The following FTCDNL1 variants were observed in gnomAD, a reference collection of about 807,000 sequenced individuals.
FTCDNL1 encodes the protein formiminotransferase cyclodeaminase N-terminal like, also known as formiminotransferase N-terminal subdomain-containing protein.
Under a neutral mutation model 5.9 loss-of-function variants are expected in FTCDNL1, and 11 were observed. The ratio of observed to expected loss-of-function variants is 1.87; its 90% confidence interval spans 1.18 to 3.10. FTCDNL1 has a LOEUF of 3.10. FTCDNL1 is among the 30% of genes most tolerant of loss of function. FTCDNL1 has a pLI of 0.00. For synonymous variants in FTCDNL1, 58 were observed against 24.8 expected (o/e 2.34, Z -3.99); for missense variants, 115 against 65.5 (o/e 1.76, Z -2.61).
At chr2:199,733,052 C>T in the FTCDNL1 span, among the ~76,000 whole-genome samples, 1 of 152,152 alleles carries the variant, frequency 6.6e-6, no homozygotes, top group Admixed American at 6.5e-5. Context: ...TCTGTGTCAG[C>T]TGACAGGTAC....
At chr2:199,718,736 T>C in the FTCDNL1 span, among the ~76,000 whole-genome samples, 3 of 152,194 alleles carry the variant, frequency 2.0e-5, no homozygotes, top group African/African-American at 7.2e-5. Context: ...CTTTTAACAA[T>C]AGCCATCCAG....
chr2:199,690,723 T>G, the FTCDNL1 span, among the ~76,000 whole-genome samples: 6 of 152,114 alleles, frequency 3.9e-5, no homozygotes, highest in Non-Finnish European at 7.4e-5. Context: ...GGACCAGGTC[T>G]TGATCTCTCC....
chr2:199,816,132 G>A (rs1701339846), intron 4 of FTCDNL1, among the ~76,000 whole-genome samples: 1 of 152,268 alleles, frequency 6.6e-6, no homozygotes, highest in South Asian at 2.1e-4. Flanking sequence ...CTGGTGTGAG[G>A]AATATTAGAA....
downstream of FTCDNL1, among the ~76,000 whole-genome samples, chr2:199,756,961 A>C (rs1574424812): frequency 6.6e-6 from 1 of 152,190 alleles, no homozygotes; most frequent in Non-Finnish European, 1.5e-5. Flanking sequence ...TTCTGCCCAC[A>C]TTATATTGGC....
chr2:199,848,979 G>A lies in FTCDNL1; in HGVS notation c.-7-10C>T, dbSNP rs1284246194. ...AGAAGACATGATTTTTCTGGAATAG[G>A]AGAAAAATTTTTATGTGTCTCTAGA... is the stretch of plus-strand genomic sequence containing the variant. On this transcript the variant is annotated splice_polypyrimidine_tract_variant and intron_variant, in intron 1 of 4. Transcript: ENST00000420128. 3 of 697,784 alleles carry A rather than the reference G, an allele frequency of 4.3e-6. No homozygotes were observed. The highest frequency in any genetic ancestry group is 7.8e-6 in the Non-Finnish European group (3 of 383,698). The allele number at this position is 697,784 out of a possible 1,614,324, so 43.2% of individuals were successfully genotyped here.
chr2:199,701,225 A>G, the FTCDNL1 span, among the ~76,000 whole-genome samples: 5 of 151,126 alleles, frequency 3.3e-5, no homozygotes, highest in Non-Finnish European at 7.4e-5. Context: ...GTCGCTAATC[A>G]TTAAAGAAAT....
the FTCDNL1 span, among the ~76,000 whole-genome samples, chr2:199,701,299 T>TAAAAAAAAAAAAAAAA: frequency 1.4e-5 from 1 of 72,386 alleles, no homozygotes; most frequent in African/African-American, 4.5e-5. Flanking sequence ...CTTGAAAGTT[T>TAAAAAAAAAAAAAAAA]AAAAAAAAAA....
At chr2:199,780,218 G>A (rs1042327697) in intron 3 of FTCDNL1, among the ~76,000 whole-genome samples, 3 of 152,154 alleles carry the variant, frequency 2.0e-5, no homozygotes, top group Non-Finnish European at 2.9e-5. Context: ...GGCCCACCTC[G>A]CTAGGATAGG....
the FTCDNL1 span, among the ~76,000 whole-genome samples, chr2:199,718,194 A>G: frequency 6.6e-6 from 1 of 151,826 alleles, no homozygotes; most frequent in South Asian, 2.1e-4. Context: ...CAAACAGGCA[A>G]TTTTTCAACC....
the FTCDNL1 span, among the ~76,000 whole-genome samples, chr2:199,697,334 T>C: frequency 1.1e-3 from 171 of 152,120 alleles, 1 homozygote; most frequent in Middle Eastern, 3.4e-3. Flanking sequence ...GTGATCAGAT[T>C]TTCCAAGGTC....
chr2:199,726,790 A>C, the FTCDNL1 span, among the ~76,000 whole-genome samples: 4 of 152,080 alleles, frequency 2.6e-5, no homozygotes, highest in Non-Finnish European at 5.9e-5. Context: ...TTCCTGTGGG[A>C]TCTCTGTCCC....
chr2:199,737,808 C>T, the FTCDNL1 span, among the ~76,000 whole-genome samples: 6 of 152,168 alleles, frequency 3.9e-5, no homozygotes, highest in Admixed American at 6.5e-5. Context: ...GTGGTCCCTG[C>T]GTGTCACGTA....
At chr2:199,764,175 C>T (rs147970150) in intron 3 of FTCDNL1, among the ~76,000 whole-genome samples, 4 of 152,274 alleles carry the variant, frequency 2.6e-5, no homozygotes, top group East Asian at 3.9e-4. Context: ...TGTCATGGCA[C>T]GTACTGTGCA....
At chr2:199,822,928 G>A (rs1265680649) in intron 3 of FTCDNL1, among the ~76,000 whole-genome samples, 1 of 152,166 alleles carries the variant, frequency 6.6e-6, no homozygotes, top group African/African-American at 2.4e-5. Flanking sequence ...TATGCTCACT[G>A]CAACATCTGC....
At chr2:199,665,280 T>A in the FTCDNL1 span, among the ~76,000 whole-genome samples, 1 of 152,096 alleles carries the variant, frequency 6.6e-6, no homozygotes, top group African/African-American at 2.4e-5. Context: ...CACCCCAGTT[T>A]CTTCAGGTAG....
chr2:199,844,422 G>A (rs1306215143), intron 3 of FTCDNL1: 1 of 646,700 alleles, frequency 1.5e-6, no homozygotes, highest in South Asian at 1.7e-5. Flanking sequence ...ACACCAGAGA[G>A]AGGGTAAATC....
At chr2:199,832,143 T>C (rs548306513) in intron 3 of FTCDNL1, among the ~76,000 whole-genome samples, 1 of 152,334 alleles carries the variant, frequency 6.6e-6, no homozygotes, top group South Asian at 2.1e-4. Flanking sequence ...GAGATATGTA[T>C]ACAGAAGCTT....
chr2:199,809,459 T>C lies in FTCDNL1; in HGVS notation c.*3246A>G, dbSNP rs1269283874. Among the ~76,000 whole-genome samples the C allele has an allele frequency of 2.0e-5, 3 of 152,170 alleles. No individual in the cohort carries two copies. The highest frequency in any genetic ancestry group is 4.4e-5 in the Non-Finnish European group (3 of 68,046). ...GCTCTTATTAAAGAAGATCACAGTCTTTCTTGCTAAACTCAATTTGTGGAA... is the reference window on the plus strand; with the variant it reads ...GCTCTTATTAAAGAAGATCACAGTCCTTCTTGCTAAACTCAATTTGTGGAA... On this transcript the variant is annotated 3_prime_UTR_variant, in exon 5 of 5. Transcript: ENST00000420128.
chr2:199,794,920 A>G (rs1700100770), intron 3 of FTCDNL1, among the ~76,000 whole-genome samples: 1 of 152,116 alleles, frequency 6.6e-6, no homozygotes, highest in Non-Finnish European at 1.5e-5. Context: ...ATAACAATGC[A>G]TTCATGTTGT....
Sources: gnomAD v4.1 joint callset for allele counts (sites outside exome capture counted in the v4.1 genomes callset) on GRCh38, gnomAD v4.1.1 for gene constraint, MANE v1.5 for transcripts, NCBI Gene and HGNC (gene_info 2026-07-23, HGNC 2026-07-21) for gene names.